The following ALPK2 variants were observed in gnomAD, a reference collection of about 807,000 sequenced individuals.
The protein encoded by ALPK2 is alpha-protein kinase 2.
In ALPK2, 127 loss-of-function variants were observed where a neutral mutation model predicts 163.1. The ratio of observed to expected loss-of-function variants is 0.78; its 90% CI spans 0.67 to 0.90. The LOEUF is 0.90. ALPK2 is among the 40% of genes least tolerant of loss of function. ALPK2 has a pLI of 0.00. For synonymous variants in ALPK2, 953 were observed against 959.1 expected (o/e 0.99, Z 0.12); for missense variants, 2,360 against 2,589.6 (o/e 0.91, Z 1.92).
intron 1 of ALPK2, among the ~76,000 whole-genome samples, chr18:58,627,311 T>C (rs2052237071): frequency 6.6e-6 from 1 of 152,156 alleles, no homozygotes; most frequent in Non-Finnish European, 1.5e-5. Context: ...GATTAAATGT[T>C]TGGTAAAAAC....
chr18:58,522,847 C>G (rs529188075), intron 8 of ALPK2, among the ~76,000 whole-genome samples: 1 of 152,050 alleles, frequency 6.6e-6, no homozygotes, highest in Non-Finnish European at 1.5e-5. Flanking sequence ...AATGAACTTA[C>G]AATAGGAAGT....
chr18:58,585,648 A>G (rs1370065755), intron 3 of ALPK2, among the ~76,000 whole-genome samples: 1 of 146,940 alleles, frequency 6.8e-6, no homozygotes, highest in Admixed American at 6.8e-5. Context: ...AACTTTCCAT[A>G]CTTGTTATGT....
intron 4 of ALPK2, among the ~76,000 whole-genome samples, chr18:58,561,976 C>T (rs888092022): frequency 3.3e-5 from 5 of 152,204 alleles, no homozygotes; most frequent in Non-Finnish European, 7.3e-5. Context: ...GTTCTTTCCC[C>T]TGAGTTATTC....
chr18:58,541,841 G>T lies in ALPK2; in HGVS notation c.1963-3617C>A, dbSNP rs940926999. Among the ~76,000 whole-genome samples, 3 of 152,272 alleles carry T rather than the reference G, an allele frequency of 2.0e-5. No homozygotes were observed. In the South Asian group the frequency reaches 6.2e-4, roughly 32 times the overall value. On this transcript the variant is annotated intron_variant, in intron 4 of 12. Coordinates refer to ENST00000361673, the MANE Select transcript of ALPK2 (RefSeq NM_052947.4). The stretch of plus-strand genomic sequence containing the variant: ...CTTACGGCATCAGTTTCAAGAGCAG[G>T]CTCCTCGGTTCTCATCCAGAGGCCA...
chr18:58,608,294 A>G (rs2144228512), intron 2 of ALPK2, among the ~76,000 whole-genome samples: 1 of 152,258 alleles, frequency 6.6e-6, no homozygotes, highest in East Asian at 1.9e-4. Flanking sequence ...TGTTACTGAT[A>G]TCATCACAGA....
At chr18:58,548,894 G>A (rs2051734525) in intron 4 of ALPK2, among the ~76,000 whole-genome samples, 1 of 152,126 alleles carries the variant, frequency 6.6e-6, no homozygotes, top group Non-Finnish European at 1.5e-5. Flanking sequence ...GCCAACATAT[G>A]TAGGAAGGTT....
intron 11 of ALPK2, among the ~76,000 whole-genome samples, chr18:58,498,607 G>A (rs1335050938): frequency 6.6e-6 from 1 of 152,208 alleles, no homozygotes; most frequent in African/African-American, 2.4e-5. Context: ...CATCTTGAAT[G>A]TAGCTCCCAT....
intron 3 of ALPK2, among the ~76,000 whole-genome samples, chr18:58,593,177 A>C (rs2052023270): frequency 6.6e-6 from 1 of 152,178 alleles, no homozygotes; most frequent in Non-Finnish European, 1.5e-5. Context: ...TAACAAATGT[A>C]CCATGCCGGA....
At position 58,531,648 on chromosome 18, in the gene ALPK2, G is replaced by GA. The variant is rs34960653; in HGVS notation, c.5354-2411dup. 8.7e-3 allele frequency among the ~76,000 whole-genome samples: 906 copies of GA among 103,578 alleles called. 43 individuals are homozygous for GA. Among genetic ancestry groups the GA allele is most frequent in the African/African-American group, 0.029 (806 of 27,402 alleles). 68.0% of individuals were successfully genotyped at this position (103,578 alleles called of 152,430 possible). On this transcript the variant is annotated intron_variant, in intron 5 of 12. Transcript: ENST00000361673. The stretch of plus-strand genomic sequence containing the variant: ...ACGAACAACTAGAAGGTGATAAGTT[G>GA]AAAAAAAAAAAAAAAAAAGGACGGG...
intron 10 of ALPK2, among the ~76,000 whole-genome samples, chr18:58,509,454 G>A (rs928052044): frequency 8.5e-5 from 13 of 152,096 alleles, no homozygotes; most frequent in East Asian, 5.8e-4. Context: ...CTGAGGAATC[G>A]CCACACTGAC....
In ALPK2 at chr18:58,523,861, A is replaced by C; in HGVS notation, c.5630-20T>G. The C allele has an allele frequency of 6.2e-7, 1 of 1,614,234 alleles. No homozygotes were observed. On this transcript the variant is annotated intron_variant, in intron 7 of 12. Transcript: ENST00000361673. ...TGAGAACTAGAAGAAGACAAAGCAG[A>C]GAATGGCTTCAGTACAGATGTCCAT...
intron 5 of ALPK2, among the ~76,000 whole-genome samples, chr18:58,530,121 A>G (rs2051605376): frequency 6.6e-6 from 1 of 152,274 alleles, no homozygotes; most frequent in Non-Finnish European, 1.5e-5. Context: ...AGCCAAACCA[A>G]GATCACCAAT....
intron 2 of ALPK2, among the ~76,000 whole-genome samples, chr18:58,609,121 T>G (rs1196303229): frequency 7.2e-6 from 1 of 139,778 alleles, no homozygotes; most frequent in African/African-American, 2.6e-5. Flanking sequence ...TCCCTGTGTC[T>G]CCCAGCTAGG....
chr18:58,618,294 GC>G (rs1382187408), intron 1 of ALPK2, among the ~76,000 whole-genome samples: 12 of 152,194 alleles, frequency 7.9e-5, no homozygotes, highest in Admixed American at 6.5e-4. Context: ...TGATCCACCG[GC>G]CCCGGCCTCC....
chr18:58,579,477 C>G lies in ALPK2; in HGVS notation c.1299G>C (p.Leu433Phe). The change falls in exon 4 of 13, where the codon TTG (leucine) becomes TTC (phenylalanine). Residue 433 changes from leucine to phenylalanine, a missense_variant. By Grantham distance (22) the Leu-to-Phe change is conservative. Transcript: ENST00000361673. Reference sequence around the variant, plus strand: ...AAGACGTTCCATCCTGGTGAGGTCCCAAAATGAGAGTCATCCCTGTTTGTG... The same window carrying G: ...AAGACGTTCCATCCTGGTGAGGTCCGAAAATGAGAGTCATCCCTGTTTGTG... ...SSPQTGMTLI[L>F]GPHQDGTSSV... 1 of 1,614,090 alleles carries G rather than the reference C, an allele frequency of 6.2e-7. No individual in the cohort carries two copies.
At chr18:58,621,732 A>T (rs73447279) in intron 1 of ALPK2, among the ~76,000 whole-genome samples, 3,448 of 152,258 alleles carry the variant, frequency 0.023, 124 homozygotes, top group African/African-American at 0.079. Flanking sequence ...AAGGCATGCC[A>T]TTTGGAGACA....
At chr18:58,598,253 G>A (rs968903733) in intron 3 of ALPK2, among the ~76,000 whole-genome samples, 2 of 152,272 alleles carry the variant, frequency 1.3e-5, no homozygotes, top group African/African-American at 4.8e-5. Flanking sequence ...TCCCATATGA[G>A]GGGGACTCCA....
At chr18:58,489,372 T>C (rs1177414808) in intron 12 of ALPK2, among the ~76,000 whole-genome samples, 1 of 152,214 alleles carries the variant, frequency 6.6e-6, no homozygotes, top group African/African-American at 2.4e-5. Flanking sequence ...GTAAATGCTG[T>C]GAGAAATGCT....
chr18:58,501,730 G>C (rs909616077), intron 11 of ALPK2, among the ~76,000 whole-genome samples: 1 of 152,152 alleles, frequency 6.6e-6, no homozygotes, highest in Non-Finnish European at 1.5e-5. Context: ...CCAGGCCTCA[G>C]TTTTCTCTTC....
Sources: allele counts gnomAD v4.1 joint callset (sites outside exome capture counted in the v4.1 genomes callset), GRCh38; gene constraint gnomAD v4.1.1; transcripts MANE v1.5; gene names NCBI Gene and HGNC (gene_info 2026-07-23, HGNC 2026-07-21).